The following SPI1 variants were observed in gnomAD, a reference collection of about 807,000 sequenced individuals.
SPI1 encodes the protein Spi-1 proto-oncogene.
In SPI1, 3 loss-of-function variants were observed where a neutral mutation model predicts 30.7. The ratio of observed to expected loss-of-function variants is 0.10; its 90% confidence interval spans 0.04 to 0.25. The LOEUF is 0.25. Ranked by LOEUF, SPI1 falls within the 10% of genes least tolerant of loss-of-function variation. The probability of loss-of-function intolerance (pLI) is 1.00; values close to 1 mark genes in which losing one functional copy is unlikely to be tolerated. For missense variants in SPI1, 261 were observed against 371.5 expected (o/e 0.70, Z 2.45); for synonymous variants, 169 against 157.1 (o/e 1.08, Z -0.56).
chr11:47,376,567 C>T (rs1466770542), intron 1 of SPI1, among the ~76,000 whole-genome samples: 2 of 151,870 alleles, frequency 1.3e-5, no homozygotes, highest in African/African-American at 4.8e-5. Context: ...ATCCCCCTCC[C>T]CGTCTCCTTT....
chr11:47,372,582 G>A (rs1011066563), intron 2 of SPI1, among the ~76,000 whole-genome samples: 2 of 152,140 alleles, frequency 1.3e-5, no homozygotes, highest in Non-Finnish European at 1.5e-5. Context: ...CGAGTAGGTG[G>A]GTGGATGGGA....
intron 4 of SPI1, among the ~76,000 whole-genome samples, chr11:47,356,408 C>T (rs1308031055): frequency 6.6e-6 from 1 of 150,876 alleles, no homozygotes; most frequent in African/African-American, 2.4e-5. Flanking sequence ...TGCACACTCA[C>T]ACCCACCCAA....
At position 47,374,717 on chromosome 11, in the gene SPI1, A is replaced by G. The variant is rs1052670259; in HGVS notation, c.142+916T>C. ...CTTTGGGTCAGGGATGTCTACATCA[A>G]TAAGCCAAGATCCACTTTGGGCAAC... On this transcript the variant is annotated intron_variant, in intron 2 of 4. Transcript: ENST00000378538. This position sits in a 1 kb window ranked among gnomAD's most constrained non-coding sequence, Gnocchi z 4.5. Among the ~76,000 whole-genome samples the G allele has an allele frequency of 1.4e-4, 21 of 152,224 alleles. No individual in the cohort carries two copies. Among genetic ancestry groups the G allele is most frequent in the Admixed American group, 1.2e-3 (19 of 15,288 alleles).
chr11:47,360,762 T>C (rs1322975201), intron 2 of SPI1, among the ~76,000 whole-genome samples: 10 of 131,628 alleles, frequency 7.6e-5, no homozygotes, highest in African/African-American at 2.0e-4. Context: ...GAGGTGGAGG[T>C]AGCAGTGAGC....
Position 47,356,225 on chromosome 11 carries a change from ACT to A in SPI1, c.494-681_494-680del, listed in dbSNP as rs371626157. The stretch of plus-strand genomic sequence containing the variant: ...CTCACACTCACACACATGCTCACAC[ACT>A]CATTCACTAACATGCCCCCACACAC... On this transcript the variant is annotated intron_variant, in intron 4 of 4. Transcript: ENST00000378538. Among the ~76,000 whole-genome samples the A allele has an allele frequency of 1.0e-3, 152 of 149,310 alleles. 1 individual carries two copies. In the East Asian group the frequency reaches 0.017, roughly 17 times the overall value.
intron 4 of SPI1, among the ~76,000 whole-genome samples, chr11:47,356,972 G>A (rs1012910196): frequency 7.8e-6 from 1 of 128,432 alleles, no homozygotes; most frequent in African/African-American, 2.8e-5. Flanking sequence ...GCTCACGTCT[G>A]CTCACACACA....
At chr11:47,358,307 C>T (rs1172712605) in intron 4 of SPI1, 4 of 525,710 alleles carry the variant, frequency 7.6e-6, no homozygotes, top group African/African-American at 1.9e-5. Flanking sequence ...TCACACATGC[C>T]TGCTTACAGC....
At chr11:47,356,501 CTCATATGCCCA>C (rs2095909699) in intron 4 of SPI1, among the ~76,000 whole-genome samples, 1 of 116,462 alleles carries the variant, frequency 8.6e-6, no homozygotes, top group Non-Finnish European at 1.8e-5. Flanking sequence ...CCTTCTCACA[CTCATATGCCCA>C]CTCACACCTG....
Position 47,359,105 on chromosome 11 carries a change from G to A in SPI1, c.331-99C>T, listed in dbSNP as rs1197178928. On this transcript the variant is annotated intron_variant, in intron 3 of 4. Coordinates refer to ENST00000378538, the MANE Select transcript of SPI1 (RefSeq NM_003120.3). The surrounding 1 kb of genome is among the most constrained non-coding windows in gnomAD (Gnocchi z 5.1). Reference sequence around the variant, plus strand: ...GCTGGGGAGAGAAGGAGTGCAGAGGGCAGGGGACAATGGCAGGCACAGGAG... The same window carrying A: ...GCTGGGGAGAGAAGGAGTGCAGAGGACAGGGGACAATGGCAGGCACAGGAG... 6.0e-6 allele frequency: 7 copies of A among 1,163,344 alleles called. No individual in the cohort carries two copies. The African/African-American group carries it at 6.2e-5, about 10-fold the overall frequency. The allele number at this position is 1,163,344 out of a possible 1,614,324, so 72.1% of individuals were successfully genotyped here.
At chr11:47,358,628 C>A (rs1323879317) in intron 4 of SPI1, 1 of 706,786 alleles carries the variant, frequency 1.4e-6, no homozygotes, top group East Asian at 2.7e-5. Flanking sequence ...ACACACCTGG[C>A]ACACTTCATG....
At chr11:47,363,148 C>T (rs1340527561) in intron 2 of SPI1, among the ~76,000 whole-genome samples, 1 of 152,166 alleles carries the variant, frequency 6.6e-6, no homozygotes, top group Non-Finnish European at 1.5e-5. Flanking sequence ...CTCCGTCTTC[C>T]CAGTGCCTAA....
At chr11:47,355,955 G>T (rs904938084) in intron 4 of SPI1, among the ~76,000 whole-genome samples, 2 of 98,644 alleles carry the variant, frequency 2.0e-5, no homozygotes, top group East Asian at 3.3e-4. Context: ...TAAACACAAT[G>T]CAACCACTCA....
At position 47,359,890 on chromosome 11, in the gene SPI1, G is replaced by T; in HGVS notation, c.293C>A (p.Thr98Asn). 1.9e-6 allele frequency: 3 copies of T among 1,608,930 alleles called. No individual in the cohort carries two copies. The highest frequency in any genetic ancestry group is 2.2e-5 in the South Asian group (2 of 91,086). ...ACTGGGATGGGGTGGCACCATGGGG[G>T]TATCGAGGACGTGCATCTGCTCCAG... ...MELEQMHVLD[T>N]PMVPPHPSLG... The change falls in exon 3 of 5, where the codon ACC becomes AAC. Residue 98 changes from threonine to asparagine, a missense_variant. This residue lies in a region of SPI1 where 106 missense variants were observed against 102.0 expected (regional missense o/e 1.04). Coordinates refer to ENST00000378538, the MANE Select transcript of SPI1 (RefSeq NM_003120.3). The surrounding 1 kb of genome is among the most constrained non-coding windows in gnomAD (Gnocchi z 5.1).
At chr11:47,357,379 T>G in intron 4 of SPI1, among the ~76,000 whole-genome samples, 1 of 151,786 alleles carries the variant, frequency 6.6e-6, no homozygotes, top group East Asian at 1.9e-4. Flanking sequence ...ACCTCACACC[T>G]GCTCACGCAT....
chr11:47,371,833 G>A (rs1042892909), intron 2 of SPI1, among the ~76,000 whole-genome samples: 2 of 152,168 alleles, frequency 1.3e-5, no homozygotes, highest in African/African-American at 4.8e-5. Context: ...TTCGCCCTGC[G>A]TGAGCAGCTG....
intron 2 of SPI1, among the ~76,000 whole-genome samples, chr11:47,371,140 C>T (rs1011435069): frequency 6.6e-6 from 1 of 151,416 alleles, no homozygotes; most frequent in Non-Finnish European, 1.5e-5. Flanking sequence ...GCGGGTGGAT[C>T]ACAACGTCAG....
rs575544118 is a variant in SPI1 at position 47,359,215 on chromosome 11, TC to T, written c.331-210del. On this transcript the variant is annotated intron_variant, in intron 3 of 4. Transcript: ENST00000378538. This position sits in a 1 kb window ranked among gnomAD's most constrained non-coding sequence, Gnocchi z 5.1. ...GGCTGTGGGGCGAGGGGTGCTGACA[TC>T]CAGCCCACCCAGCCCTCCCAGCTGG... 1.5e-3 allele frequency among the ~76,000 whole-genome samples: 231 copies of T among 152,188 alleles called. No individual in the cohort carries two copies. Among genetic ancestry groups the T allele is most frequent in the Middle Eastern group, 3.4e-3 (1 of 294 alleles).
rs189217391 is a variant in SPI1, at chr11:47,375,649, A to G, written c.126T>C (p.Asp42=). 9.3e-6 allele frequency: 15 copies of G among 1,613,734 alleles called. No individual in the cohort carries two copies. Among genetic ancestry groups the G allele is most frequent in the Non-Finnish European group, 1.2e-5 (14 of 1,179,800 alleles). The change falls in exon 2 of 5, where the codon GAT becomes GAC. Residue 42 remains aspartate, a synonymous_variant. Transcript: ENST00000378538. The surrounding 1 kb of genome is among the most constrained non-coding windows in gnomAD (Gnocchi z 4.2). ...THEYYPYLSS[D]GESHSDHYWD... ...CGTACTCACCGCTATGGCTCTCCCC[A>G]TCACTGCTGAGATAGGGGTAATACT... is the stretch of plus-strand genomic sequence containing the variant.
chr11:47,358,815 G>A (rs1305505850), intron 4 of SPI1, 29 bp downstream of exon 4: 1 of 1,547,916 alleles, frequency 6.5e-7, no homozygotes. Flanking sequence ...GCCAGGGTCG[G>A]GGCCAGGGTG....
Sources: allele counts gnomAD v4.1 joint callset (sites outside exome capture counted in the v4.1 genomes callset), GRCh38; gene constraint gnomAD v4.1.1; regional missense constraint gnomAD v4.1.1; non-coding constraint Gnocchi (gnomAD v3.1); transcripts MANE v1.5; gene names NCBI Gene and HGNC (gene_info 2026-07-23, HGNC 2026-07-21).